TPSG1: variants seen among roughly 807,000 people sequenced by gnomAD.
The protein encoded by TPSG1 is tryptase gamma 1, also known as tryptase gamma.
TPSG1 carries 43 observed loss-of-function variants against 23.8 expected under a neutral mutation model. The observed-to-expected ratio is 1.81, with a 90% CI of 1.42 to 2.33. The LOEUF (loss-of-function observed/expected upper bound fraction) is 2.33. Among genes scored for constraint, TPSG1 ranks in the 30% most tolerant of loss-of-function variants. The pLI, the probability that TPSG1 is intolerant of heterozygous loss-of-function variation, is 0.00. For missense variants in TPSG1, 623 were observed against 438.6 expected, an observed-to-expected ratio of 1.42 and a Z score of -3.75; for synonymous variants, 302 against 201.3, an observed-to-expected ratio of 1.50 and a Z score of -4.23.
intron 2 of TPSG1, among the ~76,000 whole-genome samples, chr16:1,224,352 G>A (rs1485709687): frequency 6.6e-6 from 1 of 152,138 alleles, no homozygotes; most frequent in African/African-American, 2.4e-5. Flanking sequence ...TTCGAGGAGG[G>A]CCAGGTTGTT....
chr16:1,223,031 GGCT>G, intron 3 of TPSG1, 114 bp from the exon 4 acceptor site: 1 of 1,311,452 alleles, frequency 7.6e-7, no homozygotes, highest in Non-Finnish European at 1.0e-6. Context: ...TTCCCTCCTA[GGCT>G]TGGGACGCAG....
rs749423352 is a variant in TPSG1 at position 1,222,677 on chromosome 16, G to A, written c.486C>T (p.Thr162=). The part of the protein sequence containing the change: ...DFCPGIRCWV[T]GWGYTREGEP... ...CTCCCTCCCGCGTATAGCCCCAGCC[G>A]GTCACCCAGCACCGGATCCCAGGGC... Residue 162 remains threonine (T), a synonymous_variant, in exon 4 of 6, where the codon ACC becomes ACT. Coordinates refer to ENST00000234798, the MANE Select transcript of TPSG1 (RefSeq NM_012467.4). 1.6e-5 allele frequency: 25 copies of A among 1,577,644 alleles called. No homozygotes were observed. Among genetic ancestry groups the A allele is most frequent in the East Asian group, 1.4e-4 (6 of 44,084 alleles).
Position 1,221,678 on chromosome 16 carries a change from T to G in TPSG1, c.*110A>C. The G allele has an allele frequency of 8.7e-7, 1 of 1,153,600 alleles. No homozygotes were observed. Among genetic ancestry groups the G allele is most frequent in the Non-Finnish European group, 1.2e-6 (1 of 831,880 alleles). 71.5% of individuals were successfully genotyped at this position (1,153,600 alleles called of 1,614,324 possible). On this transcript the variant is annotated 3_prime_UTR_variant, in exon 6 of 6. Transcript: ENST00000234798. ...TGTTTCGTGTGCTTTTAAATTCAGG[T>G]TAAATGTTGCAATAATCTGATGCAG...
At chr16:1,222,429 A>G in intron 4 of TPSG1, 88 bp from the exon 5 acceptor site, 1 of 1,310,994 alleles carries the variant, frequency 7.6e-7, no homozygotes, top group African/African-American at 1.5e-5. Context: ...CACAAGTCCC[A>G]TGCCACCACG....
chr16:1,225,219 G>T lies in TPSG1; in HGVS notation c.34C>A (p.Leu12Met). The change falls in exon 1 of 6, where the codon CTG (leucine) becomes ATG (methionine). Residue 12 changes from leucine to methionine, a missense_variant. Transcript: ENST00000234798. ...ALGACGLLLL[L>M]AVPGVSLRTL... ...CCAGGTCACCCACCGGGCACAGCCA[G>T]GAGCAGCAGGAGGCCACAGGCCCCA... The T allele has an allele frequency of 6.3e-7, 1 of 1,578,702 alleles. No individual in the cohort carries two copies. Among genetic ancestry groups the T allele is most frequent in the Non-Finnish European group, 8.6e-7 (1 of 1,162,576 alleles).
chr16:1,224,092 T>C (rs1048574762), intron 2 of TPSG1: 1 of 191,216 alleles, frequency 5.2e-6, no homozygotes, highest in Non-Finnish European at 1.1e-5. Flanking sequence ...AAACTTCACC[T>C]CAGTAAGTTA....
chr16:1,223,563 G>T lies in TPSG1; in HGVS notation c.105C>A (p.Gly35=). The change falls in exon 3 of 6, where the codon GGC becomes GGA. Residue 35 remains glycine, a synonymous_variant. Coordinates refer to ENST00000234798, the MANE Select transcript of TPSG1 (RefSeq NM_012467.4). The stretch of plus-strand genomic sequence containing the variant: ...CAGCGTGACCCCCCACGATCCGGCC[G>T]CCTGCATCCGAAACCTGCGGCCGGC... ...GCGRPQVSDA[G]GRIVGGHAAP... is the part of the protein sequence containing the mutation. 4 of 1,544,122 alleles carry T rather than the reference G, an allele frequency of 2.6e-6. No individual in the cohort carries two copies. The highest frequency in any genetic ancestry group is 2.4e-5 in the South Asian group (2 of 83,956).
chr16:1,224,475 C>A, intron 2 of TPSG1, 127 bp downstream of exon 2: 1 of 1,272,256 alleles, frequency 7.9e-7, no homozygotes, highest in Non-Finnish European at 1.1e-6. Flanking sequence ...CGAGCAGAAA[C>A]CACGGCGACA....
Position 1,223,426 on chromosome 16 carries a change from G to A in TPSG1, c.242C>T (p.Ser81Phe). 5.1e-6 allele frequency: 8 copies of A among 1,583,708 alleles called. No homozygotes were observed. The highest frequency in any genetic ancestry group is 6.9e-6 in the Non-Finnish European group (8 of 1,167,258). The change falls in exon 3 of 6, where the codon TCC (serine) becomes TTC (phenylalanine). Residue 81 changes from serine (S) to phenylalanine (F), a missense_variant. By Grantham distance (155) the Ser-to-Phe change is radical. Transcript: ENST00000234798. The stretch of plus-strand genomic sequence containing the variant: ...CCCTGCCCACCCGGACACTCACCCG[G>A]AGAAGCAGTGGGCAGCTGTGAGCAC... ...QWVLTAAHCF[S>F]GSLNSSDYQV... is the part of the protein sequence containing the mutation.
At position 1,222,783 on chromosome 16, in the gene TPSG1, G is replaced by A. The variant is rs200274366; in HGVS notation, c.380C>T (p.Ala127Val). Residue 127 changes from alanine (A) to valine (V), a missense_variant, in exon 4 of 6, where the codon GCC becomes GTC. Coordinates refer to ENST00000234798, the MANE Select transcript of TPSG1 (RefSeq NM_012467.4). Reference sequence around the variant, plus strand: ...CACGGGGACACTGAGCTCCACCAGGGCGATGTCCCCGCTGGTCCCCGGCTG... The same window carrying A: ...CACGGGGACACTGAGCTCCACCAGGACGATGTCCCCGCTGGTCCCCGGCTG... ...SGQPGTSGDIALVELSVPVTL... is the reference protein window; with the variant it reads ...SGQPGTSGDIVLVELSVPVTL... The A allele has an allele frequency of 1.7e-5, 27 of 1,612,416 alleles. No individual in the cohort carries two copies. The highest frequency in any genetic ancestry group is 3.5e-4 in the Middle Eastern group (2 of 5,738).
At position 1,223,524 on chromosome 16, in the gene TPSG1, TG is replaced by T. The variant is rs2029959242; in HGVS notation, c.143del (p.Ala48AspfsTer37). ...GGCGGAGGCTGGCCTGCCATGGCCA[TG>T]CGCCGGCCGGGGCAGCGTGACCCCC... The part of the protein sequence containing the change: ...IVGGHAAPAG[A>X]WPWQASLRLR... On this transcript the variant is annotated frameshift_variant, in exon 3 of 6. Transcript: ENST00000234798. LOFTEE classifies it high-confidence loss of function. 1.3e-6 allele frequency: 2 copies of T among 1,552,970 alleles called. No individual in the cohort carries two copies. Among genetic ancestry groups the T allele is most frequent in the Non-Finnish European group, 1.7e-6 (2 of 1,151,296 alleles).
chr16:1,223,413 G>C lies in TPSG1; in HGVS notation c.245+10C>G, dbSNP rs573530164. 6.4e-7 allele frequency: 1 copy of C among 1,573,850 alleles called. No individual in the cohort carries two copies. The highest frequency in any genetic ancestry group is 1.8e-5 in the Admixed American group (1 of 54,560). Reference sequence around the variant, plus strand: ...ACATTGAGACTGCCCCTGCCCACCCGGACACTCACCCGGAGAAGCAGTGGG... The same window carrying C: ...ACATTGAGACTGCCCCTGCCCACCCCGACACTCACCCGGAGAAGCAGTGGG... On this transcript the variant is annotated intron_variant, in intron 3 of 5. Transcript: ENST00000234798.
At position 1,223,595 on chromosome 16, in the gene TPSG1, C is replaced by A; in HGVS notation, c.74-1G>T. 6.5e-7 allele frequency: 1 copy of A among 1,539,148 alleles called. No homozygotes were observed. On this transcript the variant is annotated splice_acceptor_variant, in intron 2 of 5. Transcript: ENST00000234798. LOFTEE classifies it high-confidence loss of function. ...TCCGAAACCTGCGGCCGGCCACACC[C>A]TAAGTCGAAGGAGGAAGGGGTGCCT...
At chr16:1,225,151 G>C (rs929835965) in intron 1 of TPSG1, 56 bp downstream of exon 1, 6 of 1,539,948 alleles carry the variant, frequency 3.9e-6, no homozygotes, top group South Asian at 1.2e-5. Context: ...CCCCATCAGG[G>C]GTCCAGGCAG....
intron 4 of TPSG1, 113 bp downstream of exon 4, chr16:1,222,539 G>A: frequency 6.9e-7 from 1 of 1,442,172 alleles, no homozygotes; most frequent in Non-Finnish European, 9.3e-7. Flanking sequence ...GGCGGCCTTG[G>A]CTGGGTGTGG....
At chr16:1,223,347 G>C in intron 3 of TPSG1, 76 bp downstream of exon 3, 4 of 1,456,196 alleles carry the variant, frequency 2.7e-6, no homozygotes, top group Non-Finnish European at 3.6e-6. Context: ...TCAAGACCAA[G>C]TGGAGGCCTC....
intron 2 of TPSG1, chr16:1,224,006 C>CG (rs1451068634): frequency 4.5e-6 from 1 of 222,622 alleles, no homozygotes; most frequent in Non-Finnish European, 8.6e-6. Flanking sequence ...ATTCGGGGGG[C>CG]GGGGGGCAGA....
intron 2 of TPSG1, chr16:1,224,250 G>C (rs1045615838): frequency 3.6e-6 from 1 of 281,600 alleles, no homozygotes; most frequent in Middle Eastern, 1.1e-3. Context: ...TTTATAGATA[G>C]GCAGCGGGTG....
Position 1,222,354 on chromosome 16 carries a change from G to C in TPSG1, c.512-13C>G. On this transcript the variant is annotated splice_polypyrimidine_tract_variant and intron_variant, in intron 4 of 5. Transcript: ENST00000234798. The stretch of plus-strand genomic sequence containing the variant: ...GGTGGCAGAGGCTCTGGGGTGGGGG[G>C]AACAGGCTTCAGAGAAGGTTGGGGC... The C allele has an allele frequency of 6.4e-7, 1 of 1,574,158 alleles. No homozygotes were observed. The highest frequency in any genetic ancestry group is 8.6e-7 in the Non-Finnish European group (1 of 1,158,302).
Sources: gnomAD v4.1 joint callset for allele counts (sites outside exome capture counted in the v4.1 genomes callset) on GRCh38, gnomAD v4.1.1 for gene constraint, MANE v1.5 for transcripts, NCBI Gene and HGNC (gene_info 2026-07-23, HGNC 2026-07-21) for gene names.